The following SPAM1 variants were observed in gnomAD, a reference collection of about 807,000 sequenced individuals.
The protein encoded by SPAM1 is sperm adhesion molecule 1.
SPAM1 carries 22 observed loss-of-function variants against 29.6 expected under a neutral mutation model. The observed-to-expected ratio is 0.74, with a 90% CI of 0.53 to 1.06. SPAM1 has a LOEUF of 1.06. Ranked by LOEUF, SPAM1 falls within the 50% of genes least tolerant of loss-of-function variation. SPAM1 has a pLI of 0.00. For missense variants in SPAM1, 534 were observed against 604.0 expected (o/e 0.88, Z 1.21); for synonymous variants, 194 against 204.6 (o/e 0.95, Z 0.44).
chr7:123,958,223 C>A (rs867712400), intron 4 of SPAM1, among the ~76,000 whole-genome samples: 1 of 152,016 alleles, frequency 6.6e-6, no homozygotes, highest in South Asian at 2.1e-4. Context: ...TCTACCACTG[C>A]CACTTCCTTT....
rs932317020 is a variant in SPAM1 at position 123,959,539 on chromosome 7, T to C, written c.1100T>C (p.Ile367Thr). 1.2e-6 allele frequency: 2 copies of C among 1,612,844 alleles called. No homozygotes were observed. Among genetic ancestry groups the C allele is most frequent in the African/African-American group, 2.7e-5 (2 of 74,822 alleles). Residue 367 changes from isoleucine to threonine, a missense_variant, in exon 5 of 5, where the codon ATC (isoleucine) becomes ACC (threonine). Ile to Thr is a moderately conservative substitution (Grantham distance 89). Transcript: ENST00000682466. Reference protein sequence around the residue: ...YMETILNPYIINVTLAAKMCS... With the variant: ...YMETILNPYITNVTLAAKMCS... ...GAGACTATACTGAATCCTTACATAA[T>C]CAACGTCACACTAGCAGCCAAAATG...
At chr7:123,946,339 T>A (rs1465803122) in intron 1 of SPAM1, among the ~76,000 whole-genome samples, 3 of 152,134 alleles carry the variant, frequency 2.0e-5, no homozygotes, top group Non-Finnish European at 4.4e-5. Context: ...CAGCAAATCG[T>A]CCTGTTGGTT....
rs200829455 is a variant in SPAM1, at chr7:123,955,096, A to G, written c.1044+10A>G. ...TATAATGCGAAGTATGGTAAGTTGA[A>G]TTGGTAGAAAATAGGTGAAAATATT... On this transcript the variant is annotated intron_variant, in intron 4 of 4. Coordinates refer to ENST00000682466, the MANE Select transcript of SPAM1 (RefSeq NM_153189.3). 1.6e-3 allele frequency: 2,483 copies of G among 1,546,254 alleles called. 5 individuals are homozygous for G. Among genetic ancestry groups the G allele is most frequent in the Non-Finnish European group, 2.0e-3 (2,236 of 1,119,620 alleles).
intron 1 of SPAM1, among the ~76,000 whole-genome samples, chr7:123,948,618 G>C (rs1808663919): frequency 6.6e-6 from 1 of 151,970 alleles, no homozygotes; most frequent in Non-Finnish European, 1.5e-5. Flanking sequence ...ACTCCCTTTG[G>C]TCCTCCCCCT....
At chr7:123,966,245 G>T (rs1322788062) in intron 5 of SPAM1, among the ~76,000 whole-genome samples, 1 of 151,970 alleles carries the variant, frequency 6.6e-6, no homozygotes, top group Non-Finnish European at 1.5e-5. Context: ...AGTCAGAATG[G>T]CAATTATTAA....
At chr7:123,963,694 A>G (rs1325050424), downstream of SPAM1, among the ~76,000 whole-genome samples, 1 of 151,048 alleles carries the variant, frequency 6.6e-6, no homozygotes, top group Non-Finnish European at 1.5e-5. Flanking sequence ...AAAATTCAAA[A>G]GTTCATGAGC....
intron 1 of SPAM1, among the ~76,000 whole-genome samples, chr7:123,939,221 G>A (rs374535517): frequency 6.6e-6 from 1 of 152,088 alleles, no homozygotes; most frequent in East Asian, 1.9e-4. Flanking sequence ...GAGTACCTGG[G>A]ACTACAGGCG....
At chr7:123,942,373 T>C (rs1320060947) in intron 1 of SPAM1, among the ~76,000 whole-genome samples, 1 of 152,206 alleles carries the variant, frequency 6.6e-6, no homozygotes, top group Non-Finnish European at 1.5e-5. Flanking sequence ...AGACCTTTTT[T>C]CTAAACTGTA....
intron 1 of SPAM1, among the ~76,000 whole-genome samples, chr7:123,943,077 CAAAAG>C (rs958767631): frequency 1.4e-4 from 22 of 152,086 alleles, no homozygotes; most frequent in African/African-American, 5.3e-4. Flanking sequence ...GTAAATATTT[CAAAAG>C]AAAAGTTTTT....
At chr7:123,925,847 G>C (rs1244202247) in intron 1 of SPAM1, 1 of 152,138 alleles carries the variant, frequency 6.6e-6, no homozygotes. Flanking sequence ...TAAGAGAATG[G>C]ACACAGAATG....
intron 4 of SPAM1, 105 bp downstream of exon 4, chr7:123,955,191 G>T (rs1792223175): frequency 1.3e-6 from 1 of 744,602 alleles, no homozygotes; most frequent in Admixed American, 2.1e-5. Context: ...TGCTTGGCAT[G>T]TAGTAATAGG....
At chr7:123,928,930 A>G (rs1807980190) in intron 1 of SPAM1, among the ~76,000 whole-genome samples, 2 of 152,094 alleles carry the variant, frequency 1.3e-5, no homozygotes, top group Non-Finnish European at 2.9e-5. Flanking sequence ...TAAAGACTAA[A>G]TTTGCAAAGC....
intron 1 of SPAM1, among the ~76,000 whole-genome samples, chr7:123,944,791 T>C (rs1292020957): frequency 1.3e-5 from 2 of 152,260 alleles, no homozygotes; most frequent in East Asian, 3.9e-4. Context: ...AGAGCTATAA[T>C]TTCAGTCCTT....
At chr7:123,961,537 T>C (rs1290504604), downstream of SPAM1, among the ~76,000 whole-genome samples, 1 of 152,002 alleles carries the variant, frequency 6.6e-6, no homozygotes, top group African/African-American at 2.4e-5. Flanking sequence ...CCGTTGTGTA[T>C]ATACACCACA....
chr7:123,963,896 A>G (rs1792390475), downstream of SPAM1, among the ~76,000 whole-genome samples: 2 of 151,986 alleles, frequency 1.3e-5, no homozygotes, highest in East Asian at 1.9e-4. Flanking sequence ...GTTAGCTAGT[A>G]CAGTGCTTGT....
intron 1 of SPAM1, among the ~76,000 whole-genome samples, chr7:123,927,316 G>A (rs1449993944): frequency 6.6e-6 from 1 of 152,118 alleles, no homozygotes; most frequent in African/African-American, 2.4e-5. Flanking sequence ...GCCAAAGTTG[G>A]GTAAGCCAAG....
chr7:123,967,900 C>T (rs1298990946), intron 5 of SPAM1, among the ~76,000 whole-genome samples: 1 of 151,880 alleles, frequency 6.6e-6, no homozygotes, highest in African/African-American at 2.4e-5. Context: ...AAGGCTATTG[C>T]CATTATCTAG....
chr7:123,954,378 T>A lies in SPAM1; in HGVS notation c.808T>A (p.Ser270Thr). Residue 270 changes from serine to threonine, a missense_variant, in exon 3 of 5, where the codon TCT (serine) becomes ACT (threonine). Transcript: ENST00000682466. ...ATCCATTTATTTGAACACTCAGCAG[T>A]CTCCTGTAGCTGCTACACTCTATGT... ...YPSIYLNTQQ[S>T]PVAATLYVRN... is the part of the protein sequence containing the mutation. 1 of 1,613,384 alleles carries A rather than the reference T, an allele frequency of 6.2e-7. No homozygotes were observed. The highest frequency in any genetic ancestry group is 1.1e-5 in the South Asian group (1 of 91,058).
chr7:123,929,763 G>A (rs1808009317), intron 1 of SPAM1, among the ~76,000 whole-genome samples: 1 of 152,062 alleles, frequency 6.6e-6, no homozygotes, highest in East Asian at 1.9e-4. Context: ...TGGGGCCTCT[G>A]ACAAAGTTAT....
Sources: gnomAD v4.1 joint callset for allele counts (sites outside exome capture counted in the v4.1 genomes callset) on GRCh38, gnomAD v4.1.1 for gene constraint, MANE v1.5 for transcripts, NCBI Gene and HGNC (gene_info 2026-07-23, HGNC 2026-07-21) for gene names.